DCC: variants seen among roughly 807,000 people sequenced by gnomAD.
The protein encoded by DCC is netrin receptor DCC.
A neutral mutation model predicts 172.5 loss-of-function variants in DCC; 58 were observed. That is an observed-to-expected ratio of 0.34 (90% CI 0.27 to 0.42). DCC has a LOEUF of 0.42. DCC is among the 10% of genes least tolerant of loss of function. The probability of loss-of-function intolerance (pLI) is 1.00; values close to 1 mark genes in which losing one functional copy is unlikely to be tolerated. For synonymous variants in DCC, 709 were observed against 644.5 expected (o/e 1.10, Z -1.52); for missense variants, 1,740 against 1,791.0 (o/e 0.97, Z 0.51).
intron 26 of DCC, among the ~76,000 whole-genome samples, chr18:53,496,070 G>A (rs2046019983): frequency 6.6e-6 from 1 of 152,182 alleles, no homozygotes; most frequent in East Asian, 1.9e-4. Flanking sequence ...GTTCTGAAGA[G>A]AGAAGTGGAT....
Position 52,950,699 on chromosome 18 carries a change from T to C in DCC, c.985+25329T>C, listed in dbSNP as rs578201499. 5.0e-3 allele frequency among the ~76,000 whole-genome samples: 746 copies of C among 149,044 alleles called. 1 individual carries two copies. Among genetic ancestry groups the C allele is most frequent in the Middle Eastern group, 0.014 (4 of 290 alleles). On this transcript the variant is annotated intron_variant, in intron 5 of 28. Transcript: ENST00000442544. Reference sequence around the variant, plus strand: ...CAGCACTTTGGGAGGCCGAGGGGGGTGGATCACGAGGTCAGGAGATCGAGA... The same window carrying C: ...CAGCACTTTGGGAGGCCGAGGGGGGCGGATCACGAGGTCAGGAGATCGAGA...
chr18:52,393,170 T>G (rs757879533), intron 1 of DCC, among the ~76,000 whole-genome samples: 1 of 152,146 alleles, frequency 6.6e-6, no homozygotes, highest in Non-Finnish European at 1.5e-5. Context: ...TCAGTCATTT[T>G]CATTCTAAAC....
At chr18:52,763,193 T>A (rs866153486) in intron 2 of DCC, among the ~76,000 whole-genome samples, 1 of 152,184 alleles carries the variant, frequency 6.6e-6, no homozygotes, top group Non-Finnish European at 1.5e-5. Flanking sequence ...GCTCATCAGG[T>A]TCATTTACTA....
intron 12 of DCC, among the ~76,000 whole-genome samples, chr18:53,256,443 T>C (rs1272438795): frequency 6.6e-6 from 1 of 152,080 alleles, no homozygotes. Context: ...CCAGCCAGTT[T>C]TCCCAGCACC....
chr18:53,331,749 G>A (rs1346397204), intron 14 of DCC, among the ~76,000 whole-genome samples: 2 of 152,080 alleles, frequency 1.3e-5, no homozygotes, highest in Non-Finnish European at 2.9e-5. Context: ...GACCACGCTT[G>A]TCTAATTTTT....
At chr18:53,261,201 C>T (rs2056594818) in intron 12 of DCC, among the ~76,000 whole-genome samples, 1 of 152,112 alleles carries the variant, frequency 6.6e-6, no homozygotes, top group East Asian at 1.9e-4. Flanking sequence ...GTGTGCTGCA[C>T]CCACTGTCCT....
intron 12 of DCC, among the ~76,000 whole-genome samples, chr18:53,292,985 G>A (rs2057023438): frequency 6.6e-6 from 1 of 152,120 alleles, no homozygotes; most frequent in African/African-American, 2.4e-5. Flanking sequence ...TACTCCTACT[G>A]CAAATCATGA....
chr18:52,813,035 T>G (rs1012413403), intron 2 of DCC, among the ~76,000 whole-genome samples: 1 of 152,150 alleles, frequency 6.6e-6, no homozygotes, highest in African/African-American at 2.4e-5. Context: ...CTTCTGAAAC[T>G]CCAATGAAGA....
chr18:53,167,060 A>G (rs886413370), intron 8 of DCC, among the ~76,000 whole-genome samples: 29 of 152,188 alleles, frequency 1.9e-4, no homozygotes, highest in South Asian at 4.1e-4. Flanking sequence ...TCTTTCCACT[A>G]AGAATAACGT....
chr18:52,415,152 C>T (rs1201467604), intron 1 of DCC, among the ~76,000 whole-genome samples: 1 of 152,288 alleles, frequency 6.6e-6, no homozygotes, highest in East Asian at 1.9e-4. Flanking sequence ...GTGAACATGT[C>T]AGGTTGTTTA....
At chr18:52,408,953 G>C (rs928805672) in intron 1 of DCC, 1 of 152,004 alleles carries the variant, frequency 6.6e-6, no homozygotes, top group Non-Finnish European at 1.5e-5. Flanking sequence ...ATCCTTATGA[G>C]GTAGATCCAA....
At chr18:52,925,167 A>G in intron 4 of DCC, 67 bp from the exon 5 acceptor site, 2 of 1,486,102 alleles carry the variant, frequency 1.3e-6, no homozygotes, top group East Asian at 4.5e-5. Context: ...GGTCATTTAA[A>G]GCTCTGAGTA....
chr18:52,582,063 GC>G (rs35606239), intron 1 of DCC, among the ~76,000 whole-genome samples: 37,075 of 151,966 alleles, frequency 0.24, 4,625 homozygotes, highest in African/African-American at 0.3. Flanking sequence ...TAAATCATCT[GC>G]TAGACAAGGC....
intron 12 of DCC, among the ~76,000 whole-genome samples, chr18:53,304,532 T>A (rs903876771): frequency 2.0e-5 from 3 of 152,168 alleles, no homozygotes; most frequent in Non-Finnish European, 4.4e-5. Context: ...ATCCCTGTTC[T>A]CTCCTGTGTT....
chr18:52,633,333 G>A (rs1426132769), intron 1 of DCC, among the ~76,000 whole-genome samples: 1 of 152,206 alleles, frequency 6.6e-6, no homozygotes, highest in African/African-American at 2.4e-5. Context: ...GGTTGTGGCA[G>A]TAGGAGGTAC....
chr18:52,551,423 C>T (rs1010550676), intron 1 of DCC, among the ~76,000 whole-genome samples: 2 of 151,978 alleles, frequency 1.3e-5, no homozygotes, highest in African/African-American at 2.4e-5. Context: ...ACCTCAGTGA[C>T]GCTCTACCAT....
chr18:52,364,214 G>A (rs956423403), intron 1 of DCC, among the ~76,000 whole-genome samples: 3 of 152,150 alleles, frequency 2.0e-5, no homozygotes, highest in Admixed American at 1.3e-4. Flanking sequence ...CCTGAGAAAT[G>A]TTCATAGAAT....
chr18:52,652,536 G>A (rs1004348829), intron 1 of DCC, among the ~76,000 whole-genome samples: 1 of 152,024 alleles, frequency 6.6e-6, no homozygotes, highest in Non-Finnish European at 1.5e-5. Context: ...CTAATAACAT[G>A]GGACAGTAGA....
chr18:52,799,690 G>A (rs2037945625), intron 2 of DCC, among the ~76,000 whole-genome samples: 1 of 152,006 alleles, frequency 6.6e-6, no homozygotes, highest in Admixed American at 6.6e-5. Flanking sequence ...CGGTGTCCAA[G>A]TGCTAGGTTG....
Sources: allele counts gnomAD v4.1 joint callset (sites outside exome capture counted in the v4.1 genomes callset), GRCh38; gene constraint gnomAD v4.1.1; transcripts MANE v1.5; gene names NCBI Gene and HGNC (gene_info 2026-07-23, HGNC 2026-07-21).